Variants in DDX19B observed in about 807,000 individuals in gnomAD.
DDX19B encodes the protein DEAD-box helicase 19B, also known as ATP-dependent RNA helicase DDX19B.
Under a neutral mutation model 58.1 loss-of-function variants are expected in DDX19B, and 27 were observed. That is an observed-to-expected ratio of 0.46 (90% CI 0.34 to 0.64). The LOEUF (loss-of-function observed/expected upper bound fraction) is 0.64, where lower values mean the gene tolerates loss of function less well. DDX19B is among the 30% of genes least tolerant of loss of function. The pLI is 0.01. For synonymous variants in DDX19B, 187 were observed against 214.4 expected, an observed-to-expected ratio of 0.87 and a Z score of 1.12; for missense variants, 399 against 596.5, an observed-to-expected ratio of 0.67 and a Z score of 3.45.
chr16:70,293,453 G>GAA (rs796190221), upstream of DDX19B, among the ~76,000 whole-genome samples: 2 of 137,732 alleles, frequency 1.5e-5, no homozygotes. Flanking sequence ...GAAACAAGTG[G>GAA]AAAAAAAAAA....
rs1283079280 is a variant in DDX19B, at chr16:70,335,156, C to G, written c.*1574C>G. On this transcript the variant is annotated 3_prime_UTR_variant, in exon 12 of 12. Transcript: ENST00000288071. The stretch of plus-strand genomic sequence containing the variant: ...ACTCGACTATGTAGTTTTCTCTATG[C>G]TTCTGGTCAACTCTGACACATCTTG... The G allele has an allele frequency of 2.6e-5, 4 of 152,234 alleles. No homozygotes were observed. The highest frequency in any genetic ancestry group is 5.9e-5 in the Non-Finnish European group (4 of 68,054). The allele number at this position is 152,234 out of a possible 1,614,324, so 9.4% of individuals were successfully genotyped here.
intron 7 of DDX19B, among the ~76,000 whole-genome samples, chr16:70,326,894 GCA>G (rs1259263050): frequency 6.6e-6 from 1 of 151,426 alleles, no homozygotes; most frequent in African/African-American, 2.4e-5. Context: ...GAGAGCAGTG[GCA>G]CAGTCTTGGC....
intron 5 of DDX19B, among the ~76,000 whole-genome samples, chr16:70,323,326 C>G (rs1254859175): frequency 6.6e-6 from 1 of 152,104 alleles, no homozygotes; most frequent in Non-Finnish European, 1.5e-5. Flanking sequence ...AGGCTGGTCT[C>G]AAACTCCTAG....
At chr16:70,289,778 C>G (rs916807262), upstream of DDX19B, 3 of 437,836 alleles carry the variant, frequency 6.9e-6, no homozygotes, top group Non-Finnish European at 1.4e-5. Context: ...CCCCCGGCTC[C>G]CGGAGGTCGA....
chr16:70,324,458 C>A, intron 5 of DDX19B, 127 bp from the exon 6 acceptor site: 1 of 672,820 alleles, frequency 1.5e-6, no homozygotes, highest in Non-Finnish European at 2.5e-6. Context: ...TCTTGTGAAG[C>A]TAGCATATGT....
intron 1 of DDX19B, among the ~76,000 whole-genome samples, chr16:70,312,115 C>T (rs1047044310): frequency 1.3e-5 from 2 of 152,138 alleles, no homozygotes; most frequent in African/African-American, 2.4e-5. Context: ...GTTGGGATTA[C>T]AGGCGCGAGC....
rs1332976111 is a variant in DDX19B at position 70,323,428 on chromosome 16, CT to C, written c.390-1144del. On this transcript the variant is annotated intron_variant, in intron 5 of 11. Transcript: ENST00000288071. ...ACCTTGCCTGCTTTTTTTCTTTTTTCTTTTTTTTTTTTTGACACTGAGTCTC... is the reference window on the plus strand; with the variant it reads ...ACCTTGCCTGCTTTTTTTCTTTTTTCTTTTTTTTTTTTGACACTGAGTCTC... 6.2e-3 allele frequency among the ~76,000 whole-genome samples: 872 copies of C among 140,920 alleles called. 3 individuals are homozygous for C. The highest frequency in any genetic ancestry group is 0.014 in the African/African-American group (522 of 38,642). 92.4% of individuals were successfully genotyped at this position (140,920 alleles called of 152,430 possible). A position where few individuals can be genotyped will look rare whatever the true frequency, so the allele number is the denominator to read the frequency against.
intron 1 of DDX19B, 34 bp from the exon 2 acceptor site, chr16:70,312,575 G>A: frequency 6.2e-7 from 1 of 1,603,044 alleles, no homozygotes; most frequent in Non-Finnish European, 8.5e-7. Flanking sequence ...TGCTTTTCCT[G>A]ACACTTTCCC....
At chr16:70,330,105 C>T (rs370359923) in intron 9 of DDX19B, 37 bp downstream of exon 9, 194 of 1,610,712 alleles carry the variant, frequency 1.2e-4, no homozygotes, top group Non-Finnish European at 1.6e-4. Context: ...TGGCCCTTCC[C>T]TCTCAGCCAG....
At chr16:70,314,130 A>G (rs1219624720) in intron 2 of DDX19B, among the ~76,000 whole-genome samples, 2 of 152,038 alleles carry the variant, frequency 1.3e-5, no homozygotes, top group East Asian at 1.9e-4. Flanking sequence ...AAAAATTTAT[A>G]TGCATGAATT....
At chr16:70,300,968 A>C (rs1200349855) in intron 1 of DDX19B, among the ~76,000 whole-genome samples, 3 of 152,140 alleles carry the variant, frequency 2.0e-5, no homozygotes, top group African/African-American at 4.8e-5. Flanking sequence ...GCTTAGACTC[A>C]TCAAGTATTC....
intron 1 of DDX19B, among the ~76,000 whole-genome samples, chr16:70,308,191 G>A (rs964077507): frequency 6.6e-6 from 1 of 151,778 alleles, no homozygotes; most frequent in Admixed American, 6.6e-5. Context: ...GACCTCAGGT[G>A]ATCCACCTGC....
intron 5 of DDX19B, among the ~76,000 whole-genome samples, chr16:70,321,153 G>A (rs146588092): frequency 0.014 from 2,166 of 151,818 alleles, 62 homozygotes; most frequent in African/African-American, 0.049. Flanking sequence ...GTAGAGATGG[G>A]GTTTCTCCAT....
chr16:70,329,576 C>T (rs1314158238), intron 8 of DDX19B, 107 bp downstream of exon 8: 2 of 1,494,642 alleles, frequency 1.3e-6, no homozygotes, highest in African/African-American at 1.4e-5. Flanking sequence ...GGCTCTCGTA[C>T]TCTCAGCAGC....
At chr16:70,289,954 C>G (rs1961015153), upstream of DDX19B, 1 of 334,744 alleles carries the variant, frequency 3.0e-6, no homozygotes, top group Non-Finnish European at 6.0e-6. Flanking sequence ...CATGGTTACA[C>G]TTGTCCGGGG....
At position 70,316,084 on chromosome 16, in the gene DDX19B, G is replaced by A. The variant is rs748899169; in HGVS notation, c.276G>A (p.Lys92=). 87 of 1,614,102 alleles carry A rather than the reference G, an allele frequency of 5.4e-5. No homozygotes were observed. The Middle Eastern group carries it at 1.3e-3, about 24-fold the overall frequency. The change falls in exon 4 of 12, where the codon AAG becomes AAA. Residue 92 remains lysine (K), a synonymous_variant. Coordinates refer to ENST00000288071, the MANE Select transcript of DDX19B (RefSeq NM_007242.7). Reference sequence around the variant, plus strand: ...CAAACTCCCCTCTGTACTCGGTGAAGTCTTTTGAAGAGCTTCGGCTGTGAG... The same window carrying A: ...CAAACTCCCCTCTGTACTCGGTGAAATCTTTTGAAGAGCTTCGGCTGTGAG... The part of the protein sequence containing the change: ...RDPNSPLYSV[K]SFEELRLKPQ...
chr16:70,297,314 G>C (rs1961262322), upstream of DDX19B, among the ~76,000 whole-genome samples: 1 of 152,132 alleles, frequency 6.6e-6, no homozygotes, highest in African/African-American at 2.4e-5. Context: ...CCGGGTTCTA[G>C]TGATTCTCCT....
chr16:70,327,274 C>T (rs956900694), intron 7 of DDX19B, among the ~76,000 whole-genome samples: 1 of 151,882 alleles, frequency 6.6e-6, no homozygotes, highest in Non-Finnish European at 1.5e-5. Flanking sequence ...GTGGCTCATG[C>T]CTGTAATCCC....
chr16:70,290,571 T>C (rs1271502796), upstream of DDX19B, among the ~76,000 whole-genome samples: 1 of 151,998 alleles, frequency 6.6e-6, no homozygotes, highest in Non-Finnish European at 1.5e-5. Context: ...TAGTGGCGCA[T>C]GCTTGTAGTC....
Sources: allele counts gnomAD v4.1 joint callset (sites outside exome capture counted in the v4.1 genomes callset), GRCh38; gene constraint gnomAD v4.1.1; transcripts MANE v1.5; gene names NCBI Gene and HGNC (gene_info 2026-07-23, HGNC 2026-07-21).